DLC1: variants seen among roughly 807,000 people sequenced by gnomAD.
DLC1 encodes DLC1 Rho GTPase activating protein.
Under a neutral mutation model 140.3 loss-of-function variants are expected in DLC1, and 54 were observed. The observed-to-expected ratio is 0.38, with a 90% CI of 0.31 to 0.48. DLC1 has a LOEUF of 0.48. Ranked by LOEUF, DLC1 falls within the 20% of genes least tolerant of loss-of-function variation. DLC1 has a pLI of 0.96. For missense variants in DLC1, 2,536 were observed against 1,907.0 expected (o/e 1.33, Z -6.14); for synonymous variants, 986 against 728.1 (o/e 1.35, Z -5.70).
At chr8:13,306,438 C>A (rs1250941947) in intron 4 of DLC1, among the ~76,000 whole-genome samples, 1 of 151,994 alleles carries the variant, frequency 6.6e-6, no homozygotes, top group Non-Finnish European at 1.5e-5. Context: ...GCCTTCCACC[C>A]CATAATCACT....
At chr8:13,518,534 G>C (rs566987998), upstream of DLC1, among the ~76,000 whole-genome samples, 4 of 152,322 alleles carry the variant, frequency 2.6e-5, no homozygotes, top group African/African-American at 9.6e-5. Flanking sequence ...GAATTATTCA[G>C]TGTCTCTCAT....
At chr8:13,110,932 C>A in intron 6 of DLC1, 109 bp from the exon 7 acceptor site, 1 of 932,104 alleles carries the variant, frequency 1.1e-6, no homozygotes, top group Non-Finnish European at 1.7e-6. Context: ...TACTAAGCAC[C>A]TACTGTAGGA....
chr8:13,567,253 A>G, intron 1 of DLC1: 2 of 1,551,710 alleles, frequency 1.3e-6, no homozygotes, highest in Non-Finnish European at 1.7e-6. Context: ...TAAAAAATGG[A>G]TCAACTACCT....
intron 1 of DLC1, among the ~76,000 whole-genome samples, chr8:13,509,515 T>G (rs1358512893): frequency 2.6e-5 from 4 of 152,228 alleles, no homozygotes; most frequent in Admixed American, 6.5e-5. Flanking sequence ...AGTGTTTTTC[T>G]TAATACCTAA....
chr8:13,125,442 G>GTTTTAC (rs1229065636), intron 5 of DLC1, among the ~76,000 whole-genome samples: 1 of 152,212 alleles, frequency 6.6e-6, no homozygotes, highest in East Asian at 1.9e-4. Context: ...GCTCTTAAGA[G>GTTTTAC]TTTTACTTTC....
intron 4 of DLC1, among the ~76,000 whole-genome samples, chr8:13,312,025 G>A (rs182266236): frequency 1.1e-4 from 17 of 152,066 alleles, no homozygotes; most frequent in African/African-American, 4.1e-4. Context: ...TTGGAAATAT[G>A]GTCTAAAATA....
At chr8:13,098,335 A>T in intron 10 of DLC1, 64 bp downstream of exon 10, 2 of 1,574,942 alleles carry the variant, frequency 1.3e-6, no homozygotes, top group East Asian at 4.5e-5. Flanking sequence ...TGTGGGGACA[A>T]CCTCAAGGAA....
intron 2 of DLC1, among the ~76,000 whole-genome samples, chr8:13,428,094 G>T (rs140179970): frequency 1.3e-5 from 2 of 152,236 alleles, no homozygotes; most frequent in African/African-American, 4.8e-5. Context: ...TTTTGCTTGG[G>T]AGTCTTAATC....
intron 1 of DLC1, among the ~76,000 whole-genome samples, chr8:13,574,699 T>C (rs551361163): frequency 6.6e-6 from 1 of 152,180 alleles, no homozygotes; most frequent in South Asian, 2.1e-4. Flanking sequence ...TAAAAACAAA[T>C]CTGTTTATTG....
intron 2 of DLC1, among the ~76,000 whole-genome samples, chr8:13,473,942 G>T (rs1800321948): frequency 1.3e-5 from 2 of 152,206 alleles, no homozygotes; most frequent in African/African-American, 4.8e-5. Context: ...GCCTGACAAT[G>T]TGATAGAAAA....
intron 3 of DLC1, among the ~76,000 whole-genome samples, chr8:13,397,163 G>C (rs149179934): frequency 2.0e-5 from 3 of 152,040 alleles, no homozygotes; most frequent in Non-Finnish European, 4.4e-5. Context: ...GTGATCCATT[G>C]GTTGTTCTGA....
intron 5 of DLC1, among the ~76,000 whole-genome samples, chr8:13,176,981 C>T (rs535326228): frequency 2.6e-4 from 39 of 152,230 alleles, no homozygotes; most frequent in Admixed American, 2.6e-3. Context: ...CAGTTCTCTC[C>T]TAGAGCCTCC....
At chr8:13,588,733 T>G (rs1805415837) in intron 1 of DLC1, among the ~76,000 whole-genome samples, 2 of 152,108 alleles carry the variant, frequency 1.3e-5, no homozygotes, top group South Asian at 4.1e-4. Flanking sequence ...GCAGCTGTCT[T>G]CTCAAAGACT....
intron 5 of DLC1, among the ~76,000 whole-genome samples, chr8:13,179,870 C>T (rs577003070): frequency 6.6e-6 from 1 of 152,162 alleles, no homozygotes. Context: ...CTGGGGAGAT[C>T]TGGACTCAGG....
chr8:13,417,174 A>T (rs750674298), intron 2 of DLC1, among the ~76,000 whole-genome samples: 16 of 152,156 alleles, frequency 1.1e-4, no homozygotes, highest in Non-Finnish European at 1.8e-4. Flanking sequence ...ATGAGGGAAC[A>T]AACTGATGGG....
At chr8:13,105,699 T>G (rs990680369) in intron 7 of DLC1, among the ~76,000 whole-genome samples, 2 of 151,230 alleles carry the variant, frequency 1.3e-5, no homozygotes, top group Admixed American at 1.3e-4. Context: ...TGCCTCAGCC[T>G]CCTGAGCAGC....
At chr8:13,543,538 A>T (rs1417307603) in intron 1 of DLC1, among the ~76,000 whole-genome samples, 3 of 152,198 alleles carry the variant, frequency 2.0e-5, no homozygotes, top group South Asian at 4.1e-4. Flanking sequence ...TTGCAGAGAT[A>T]TGGAACCAAC....
intron 4 of DLC1, among the ~76,000 whole-genome samples, chr8:13,348,525 G>A (rs1834478610): frequency 6.6e-6 from 1 of 152,188 alleles, no homozygotes; most frequent in African/African-American, 2.4e-5. Flanking sequence ...CAGTTAGAAG[G>A]TTGTTGCTAG....
At chr8:13,223,815 A>G (rs1338738602) in intron 5 of DLC1, among the ~76,000 whole-genome samples, 2 of 152,200 alleles carry the variant, frequency 1.3e-5, no homozygotes, top group African/African-American at 2.4e-5. Flanking sequence ...AACTATTCCT[A>G]CCTTCATACT....
Sources: allele counts gnomAD v4.1 joint callset (sites outside exome capture counted in the v4.1 genomes callset), GRCh38; gene constraint gnomAD v4.1.1; transcripts MANE v1.5; gene names NCBI Gene and HGNC (gene_info 2026-07-23, HGNC 2026-07-21).